SPEG: variants seen among roughly 807,000 people sequenced by gnomAD.
SPEG encodes the protein striated muscle enriched protein kinase.
In SPEG, 114 loss-of-function variants were observed where a neutral mutation model predicts 300.4. The ratio of observed to expected loss-of-function variants is 0.38; its 90% CI spans 0.33 to 0.44. The LOEUF is 0.44. Ranked by LOEUF, SPEG falls within the 20% of genes least tolerant of loss-of-function variation. SPEG has a pLI of 1.00. For missense variants in SPEG, 4,201 were observed against 4,586.2 expected, an observed-to-expected ratio of 0.92 and a Z score of 2.43; for synonymous variants, 1,964 against 2,018.9, an observed-to-expected ratio of 0.97 and a Z score of 0.73.
Position 219,451,717 on chromosome 2 carries a change from G to T in SPEG, c.2350G>T (p.Ala784Ser). ...GCGGCACACCCTGCTGCTCAGGGAGGCCAGGGCAGCAGATGCCGGGAGCTA... is the reference window on the plus strand; with the variant it reads ...GCGGCACACCCTGCTGCTCAGGGAGTCCAGGGCAGCAGATGCCGGGAGCTA... ...GERHTLLLRE[A>S]RAADAGSYMA... The change falls in exon 6 of 41, where the codon GCC becomes TCC. Residue 784 changes from alanine (A) to serine (S), a missense_variant. This residue lies in a region of SPEG where 1,258 missense variants were observed against 1,293.9 expected (regional missense o/e 0.97). Coordinates refer to ENST00000312358, the MANE Select transcript of SPEG (RefSeq NM_005876.5). This position sits in a 1 kb window ranked among gnomAD's most constrained non-coding sequence, Gnocchi z 6.4. 1 of 1,566,510 alleles carries T rather than the reference G, an allele frequency of 6.4e-7. No homozygotes were observed. Among genetic ancestry groups the T allele is most frequent in the East Asian group, 2.4e-5 (1 of 42,224 alleles).
At chr2:219,475,206 C>A (rs1692231147) in intron 18 of SPEG, among the ~76,000 whole-genome samples, 1 of 152,140 alleles carries the variant, frequency 6.6e-6, no homozygotes, top group Non-Finnish European at 1.5e-5. Flanking sequence ...ACATATGTAA[C>A]CGCCACTCAG....
At position 219,458,760 on chromosome 2, in the gene SPEG, C is replaced by T. The variant is rs137907625; in HGVS notation, c.2441-3122C>T. On this transcript the variant is annotated intron_variant, in intron 6 of 40. Transcript: ENST00000312358. The surrounding 1 kb of genome is among the most constrained non-coding windows in gnomAD (Gnocchi z 4.2). ...CAGTGGTCCCTAAGCTTTCATGTGCCTAAGAGTCATCTGGGGTGCTTTTTA... is the reference window on the plus strand; with the variant it reads ...CAGTGGTCCCTAAGCTTTCATGTGCTTAAGAGTCATCTGGGGTGCTTTTTA... Among the ~76,000 whole-genome samples, 404 of 152,284 alleles carry T rather than the reference C, an allele frequency of 2.7e-3. 1 individual carries two copies. Among genetic ancestry groups the T allele is most frequent in the African/African-American group, 8.5e-3 (355 of 41,542 alleles).
intron 6 of SPEG, among the ~76,000 whole-genome samples, chr2:219,454,825 G>C (rs570703363): frequency 6.6e-6 from 1 of 152,366 alleles, no homozygotes; most frequent in Admixed American, 6.5e-5. Context: ...TGAGTGTGGT[G>C]AATCACACTT....
Position 219,444,786 on chromosome 2 carries a change from A to C in SPEG, c.479-39A>C. 5 of 1,611,984 alleles carry C rather than the reference A, an allele frequency of 3.1e-6. No homozygotes were observed. The highest frequency in any genetic ancestry group is 4.2e-6 in the Non-Finnish European group (5 of 1,178,590). On this transcript the variant is annotated intron_variant, in intron 2 of 40. Transcript: ENST00000312358. The surrounding 1 kb of genome is among the most constrained non-coding windows in gnomAD (Gnocchi z 7.8). ...CAAAGAGCAGGCAGGCGGGTTTTCCATAAGGGGTGCCTCAGTCTCACGGTG... is the reference window on the plus strand; with the variant it reads ...CAAAGAGCAGGCAGGCGGGTTTTCCCTAAGGGGTGCCTCAGTCTCACGGTG...
chr2:219,493,036 G>C lies in SPEG; in HGVS notation c.*250G>C. The C allele has an allele frequency of 1.4e-6, 1 of 694,466 alleles. No homozygotes were observed. Among genetic ancestry groups the C allele is most frequent in the Non-Finnish European group, 2.6e-6 (1 of 380,148 alleles). 43.0% of individuals were successfully genotyped at this position (694,466 alleles called of 1,614,324 possible). A position where few individuals can be genotyped will look rare whatever the true frequency, so the allele number is the denominator to read the frequency against. On this transcript the variant is annotated 3_prime_UTR_variant, in exon 41 of 41. Coordinates refer to ENST00000312358, the MANE Select transcript of SPEG (RefSeq NM_005876.5). ...CTCAGCAGGGTGGGAACAGGCAGAG[G>C]GACAAGAGGGGAATGGAGAAGTGGA...
At position 219,492,824 on chromosome 2, in the gene SPEG, G is replaced by A. The variant is rs1389721193; in HGVS notation, c.*38G>A. 18 of 1,537,002 alleles carry A rather than the reference G, an allele frequency of 1.2e-5. No individual in the cohort carries two copies. Among genetic ancestry groups the A allele is most frequent in the Non-Finnish European group, 1.6e-5 (18 of 1,145,332 alleles). ...CAGCCAGGCCTCGGGCTTCAACTGG[G>A]GTTCCCACCAATGCCACGGGACATT... On this transcript the variant is annotated 3_prime_UTR_variant, in exon 41 of 41. Coordinates refer to ENST00000312358, the MANE Select transcript of SPEG (RefSeq NM_005876.5).
Position 219,489,010 on chromosome 2 carries a change from C to G in SPEG, c.8150-44C>G, listed in dbSNP as rs1241508246. The G allele has an allele frequency of 5.6e-6, 9 of 1,608,188 alleles. 1 individual carries two copies. In the Admixed American group the frequency reaches 1.5e-4, roughly 27 times the overall value. Reference sequence around the variant, plus strand: ...ACAGATAGCACCGTGGGAGCTGGGGCCACCGCTTCTGTGACCTCAGCCCCT... The same window carrying G: ...ACAGATAGCACCGTGGGAGCTGGGGGCACCGCTTCTGTGACCTCAGCCCCT... On this transcript the variant is annotated intron_variant, in intron 34 of 40. Transcript: ENST00000312358.
At position 219,472,933 on chromosome 2, in the gene SPEG, C is replaced by G. The variant is rs776275664; in HGVS notation, c.3984C>G (p.Gly1328=). 7 of 1,613,206 alleles carry G rather than the reference C, an allele frequency of 4.3e-6. No homozygotes were observed. The Admixed American group carries it at 5.0e-5, about 12-fold the overall frequency. ...LTYTVQHQVL[G]SDQWTALVTG... ...ACACAGTGCAGCACCAGGTGCTGGG[C>G]TCGGACCAGTGGACGGCACTGGTCA... Residue 1328 remains glycine (G), a synonymous_variant, in exon 16 of 41, where the codon GGC becomes GGG. Transcript: ENST00000312358.
Position 219,435,362 on chromosome 2 carries a change from G to T in SPEG, c.385G>T (p.Gly129Ter). The change falls in exon 1 of 41, where the codon GGA becomes TGA. Residue 129 changes from glycine (G) to a stop codon, truncating the protein, a stop_gained. Transcript: ENST00000312358. LOFTEE classifies it high-confidence loss of function. Reference protein sequence around the residue: ...CEAVLTVLEVGDSETAEDDIS... With the variant: ...CEAVLTVLEV ...GGCGGTGCTCACAGTGCTGGAGGTC[G>T]GAGGTAAAGGGCAGGTGGGGGCCGC... 6.5e-7 allele frequency: 1 copy of T among 1,534,944 alleles called. No individual in the cohort carries two copies. Among genetic ancestry groups the T allele is most frequent in the Non-Finnish European group, 8.7e-7 (1 of 1,148,212 alleles).
At chr2:219,442,603 C>T (rs1689004309) in intron 1 of SPEG, among the ~76,000 whole-genome samples, 1 of 150,096 alleles carries the variant, frequency 6.7e-6, no homozygotes, top group African/African-American at 2.5e-5. Context: ...CCCTCTGCCC[C>T]CATCATCCCT....
intron 13 of SPEG, 41 bp from the exon 14 acceptor site, chr2:219,471,824 ATCC>A: frequency 6.2e-7 from 1 of 1,611,442 alleles, no homozygotes; most frequent in Non-Finnish European, 8.5e-7. Context: ...CCCTCAAGGT[ATCC>A]TCCGGGCTCA....
intron 6 of SPEG, among the ~76,000 whole-genome samples, chr2:219,454,769 C>A (rs946932596): frequency 2.0e-5 from 3 of 152,162 alleles, no homozygotes; most frequent in Non-Finnish European, 4.4e-5. Flanking sequence ...GCCCATGAAG[C>A]AAATAAACTT....
chr2:219,436,195 C>T (rs1240744915), intron 1 of SPEG, among the ~76,000 whole-genome samples: 1 of 152,184 alleles, frequency 6.6e-6, no homozygotes, highest in Non-Finnish European at 1.5e-5. Context: ...TTTCCAGGTG[C>T]AGTGTGAAGA....
Position 219,473,745 on chromosome 2 carries a change from T to G in SPEG, c.4289T>G (p.Leu1430Arg). Residue 1430 changes from leucine to arginine, a missense_variant, in exon 18 of 41, where the codon CTA becomes CGA. By Grantham distance (102) the Leu-to-Arg change is moderately radical. This residue lies in a region of SPEG where 1,047 missense variants were observed against 1,356.8 expected (regional missense o/e 0.77). Transcript: ENST00000312358. The surrounding 1 kb of genome is among the most constrained non-coding windows in gnomAD (Gnocchi z 4.6). ...VVWRSCRGAL[L>R]EARAGVYELS... ...TCCCCTAGCTGCCGAGGGGCCCTCCTAGAGGCACGGGCCGGTGTGTACGAG... is the reference window on the plus strand; with the variant it reads ...TCCCCTAGCTGCCGAGGGGCCCTCCGAGAGGCACGGGCCGGTGTGTACGAG... The G allele has an allele frequency of 6.2e-7, 1 of 1,613,540 alleles. No homozygotes were observed. Among genetic ancestry groups the G allele is most frequent in the East Asian group, 2.2e-5 (1 of 44,868 alleles).
rs543439721 is a variant in SPEG, at chr2:219,472,967, C to T, written c.4018C>T (p.Arg1340Trp). ...GTGGACGGCACTGGTCACAGGCCTG[C>T]GGGAGCCAGGGTGGGCAGCCACAGG... Reference protein sequence around the residue: ...DQWTALVTGLREPGWAATGLR... With the variant: ...DQWTALVTGLWEPGWAATGLR... The change falls in exon 16 of 41, where the codon CGG becomes TGG. Residue 1340 changes from arginine to tryptophan, a missense_variant. Physicochemically the swap from Arg to Trp is moderately radical, Grantham distance 101. Around this residue, in one of 4 missense-constraint regions of SPEG, gnomAD observed 1,047 missense variants for 1,356.8 expected, o/e 0.77. Coordinates refer to ENST00000312358, the MANE Select transcript of SPEG (RefSeq NM_005876.5). 2.6e-5 allele frequency: 42 copies of T among 1,613,704 alleles called. No individual in the cohort carries two copies. The Admixed American group carries it at 4.7e-4, about 18-fold the overall frequency.
Position 219,446,975 on chromosome 2 carries a change from CTTTTT to C in SPEG, c.816-987_816-983del, listed in dbSNP as rs61280107. 2.9e-4 allele frequency among the ~76,000 whole-genome samples: 35 copies of C among 122,248 alleles called. 3 individuals carry two copies. Among genetic ancestry groups the C allele is most frequent in the African/African-American group, 9.4e-4 (30 of 31,820 alleles). The allele number at this position is 122,248 out of a possible 152,430, so 80.2% of individuals were successfully genotyped here. ...TCAGGTATGATAATACATTTAATTC[CTTTTT>C]TTTTTTTTTTTGCTTATCTTTATGT... On this transcript the variant is annotated intron_variant, in intron 3 of 40. Coordinates refer to ENST00000312358, the MANE Select transcript of SPEG (RefSeq NM_005876.5).
chr2:219,452,787 G>T (rs1286938309), intron 6 of SPEG, among the ~76,000 whole-genome samples: 2 of 152,172 alleles, frequency 1.3e-5, no homozygotes, highest in Non-Finnish European at 2.9e-5. Flanking sequence ...ATGGTGTTCT[G>T]TCCCTTCCTT....
At chr2:219,438,372 G>A (rs1006118376) in intron 1 of SPEG, among the ~76,000 whole-genome samples, 1 of 152,192 alleles carries the variant, frequency 6.6e-6, no homozygotes, top group Admixed American at 6.5e-5. Flanking sequence ...CCAGAGCCAG[G>A]TCTGAAAGCC....
chr2:219,465,938 C>T (rs1282209457), intron 9 of SPEG: 20 of 247,044 alleles, frequency 8.1e-5, no homozygotes, highest in East Asian at 2.8e-4. Context: ...CGTGTGCGTG[C>T]ACGTGTGCGT....
Sources: allele counts gnomAD v4.1 joint callset (sites outside exome capture counted in the v4.1 genomes callset), GRCh38; gene constraint gnomAD v4.1.1; regional missense constraint gnomAD v4.1.1; non-coding constraint Gnocchi (gnomAD v3.1); transcripts MANE v1.5; gene names NCBI Gene and HGNC (gene_info 2026-07-23, HGNC 2026-07-21).